Variants in CELF4 observed in about 807,000 individuals in gnomAD.
The protein encoded by CELF4 is CUGBP Elav-like family member 4.
In CELF4, 18 loss-of-function variants were observed where a neutral mutation model predicts 59.9. The observed-to-expected ratio is 0.30, with a 90% confidence interval of 0.21 to 0.45. The LOEUF is 0.45. Ranked by LOEUF, CELF4 falls within the 20% of genes least tolerant of loss-of-function variation. CELF4 has a pLI of 1.00. For synonymous variants in CELF4, 261 were observed against 267.1 expected (o/e 0.98, Z 0.22); for missense variants, 456 against 689.0 (o/e 0.66, Z 3.79).
intron 3 of CELF4, among the ~76,000 whole-genome samples, chr18:37,292,847 C>T (rs2095424879): frequency 6.6e-6 from 1 of 152,140 alleles, no homozygotes; most frequent in Non-Finnish European, 1.5e-5. Flanking sequence ...AATTAATTAA[C>T]AAAATAAAAA....
intron 1 of CELF4, among the ~76,000 whole-genome samples, chr18:37,556,263 T>G (rs549355500): frequency 1.3e-5 from 2 of 152,230 alleles, no homozygotes; most frequent in South Asian, 4.1e-4. Flanking sequence ...AAGACCATGC[T>G]GCAGGCTTGA....
At chr18:37,433,804 C>A (rs150785292) in intron 2 of CELF4, among the ~76,000 whole-genome samples, 5 of 152,290 alleles carry the variant, frequency 3.3e-5, no homozygotes, top group African/African-American at 1.2e-4. Context: ...TGAAAGGAGA[C>A]GCAGGGAGGT....
chr18:37,401,344 C>T (rs1016299966), intron 2 of CELF4, among the ~76,000 whole-genome samples: 2 of 152,214 alleles, frequency 1.3e-5, no homozygotes, highest in Non-Finnish European at 2.9e-5. Flanking sequence ...CAGCAAGCAC[C>T]TACTGTGTGG....
chr18:37,367,387 C>A (rs969271342), intron 2 of CELF4, among the ~76,000 whole-genome samples: 3 of 151,994 alleles, frequency 2.0e-5, no homozygotes, highest in African/African-American at 4.8e-5. Flanking sequence ...GAGCTGTGGG[C>A]TCCTGAGTCT....
At chr18:37,499,744 G>A (rs964602044) in intron 1 of CELF4, among the ~76,000 whole-genome samples, 1 of 152,194 alleles carries the variant, frequency 6.6e-6, no homozygotes, top group Non-Finnish European at 1.5e-5. Context: ...GCTCCAGCAG[G>A]TCAATAGGTC....
At chr18:37,413,687 T>C (rs1185683258) in intron 2 of CELF4, among the ~76,000 whole-genome samples, 1 of 152,230 alleles carries the variant, frequency 6.6e-6, no homozygotes, top group Non-Finnish European at 1.5e-5. Context: ...CTTTCATTTC[T>C]TGGCAGAATC....
intron 2 of CELF4, among the ~76,000 whole-genome samples, chr18:37,389,347 C>T (rs940321035): frequency 1.1e-4 from 17 of 152,196 alleles, no homozygotes; most frequent in South Asian, 1.0e-3. Flanking sequence ...CCAAGCACTG[C>T]AGGCCACCGG....
At chr18:37,318,341 C>T (rs535414275) in intron 3 of CELF4, among the ~76,000 whole-genome samples, 1 of 151,786 alleles carries the variant, frequency 6.6e-6, no homozygotes, top group African/African-American at 2.4e-5. Flanking sequence ...TCCCTTCTCT[C>T]CTCTCCTCCT....
At chr18:37,533,583 A>G (rs2099971182) in intron 1 of CELF4, among the ~76,000 whole-genome samples, 1 of 152,244 alleles carries the variant, frequency 6.6e-6, no homozygotes, top group South Asian at 2.1e-4. Flanking sequence ...GGATTCTTTT[A>G]TTTCTAAAAG....
intron 3 of CELF4, among the ~76,000 whole-genome samples, chr18:37,277,108 T>G (rs2093422485): frequency 6.6e-6 from 1 of 152,196 alleles, no homozygotes; most frequent in South Asian, 2.1e-4. Flanking sequence ...ACAAGCCACC[T>G]GCAGAGTCCT....
At chr18:37,332,205 C>T (rs905255467) in intron 2 of CELF4, among the ~76,000 whole-genome samples, 1 of 152,146 alleles carries the variant, frequency 6.6e-6, no homozygotes, top group African/African-American at 2.4e-5. Context: ...CCCCAGGTTG[C>T]CTTTTATTCT....
chr18:37,275,055 T>A (rs1174126773), intron 4 of CELF4, 60 bp downstream of exon 4: 1 of 1,584,116 alleles, frequency 6.3e-7, no homozygotes, highest in Non-Finnish European at 8.6e-7. Flanking sequence ...AGGAGCCCTC[T>A]GGTCTCCCTC....
chr18:37,306,336 C>G (rs928385774), intron 3 of CELF4: 1 of 152,332 alleles, frequency 6.6e-6, no homozygotes, highest in East Asian at 1.9e-4. Flanking sequence ...CCCCTCCTGG[C>G]GTGTCTAATG....
chr18:37,452,985 GCCTGGCT>G lies in CELF4; in HGVS notation c.369+32533_369+32539del, dbSNP rs1181393937. On this transcript the variant is annotated intron_variant, in intron 2 of 12. Coordinates refer to ENST00000420428, the MANE Select transcript of CELF4 (RefSeq NM_020180.4). ...CTCCTCCAGCCCGCAGAAAAATGTTGCCTGGCTTTGCCAGCCATTCCAGACCCTCCAG... is the reference window on the plus strand; with the variant it reads ...CTCCTCCAGCCCGCAGAAAAATGTTGTTGCCAGCCATTCCAGACCCTCCAG... Among the ~76,000 whole-genome samples, 249 of 152,184 alleles carry G rather than the reference GCCTGGCT, an allele frequency of 1.6e-3. 1 individual carries two copies. Among genetic ancestry groups the G allele is most frequent in the African/African-American group, 4.9e-3 (204 of 41,538 alleles).
rs557694114 is a variant in CELF4, at chr18:37,305,800, G to A, written c.448+16003C>T. 9 of 152,414 alleles carry A rather than the reference G, an allele frequency of 5.9e-5. No homozygotes were observed. In the East Asian group the frequency reaches 1.5e-3, roughly 26 times the overall value. 9.4% of individuals were successfully genotyped at this position (152,414 alleles called of 1,614,324 possible). On this transcript the variant is annotated intron_variant, in intron 3 of 12. Transcript: ENST00000420428. ...GGAAGGCCTTGGCCCACTCCAGGGGGCTACTAAGGTAGGTTGGTGTCTGGT... is the reference window on the plus strand; with the variant it reads ...GGAAGGCCTTGGCCCACTCCAGGGGACTACTAAGGTAGGTTGGTGTCTGGT...
chr18:37,562,634 C>T (rs1437652843), intron 1 of CELF4, among the ~76,000 whole-genome samples: 1 of 152,182 alleles, frequency 6.6e-6, no homozygotes, highest in Non-Finnish European at 1.5e-5. Flanking sequence ...TGCTTTCTGA[C>T]TTAACAGTAA....
At chr18:37,353,234 AT>A (rs200488275) in intron 2 of CELF4, among the ~76,000 whole-genome samples, 1,614 of 19,990 alleles carry the variant, frequency 0.081, 37 homozygotes, top group African/African-American at 0.2. Flanking sequence ...AAAAAAAAAA[AT>A]ATATATATAT....
chr18:37,254,647 C>G lies in CELF4; in HGVS notation c.1334-709G>C, dbSNP rs2068026480. Reference sequence around the variant, plus strand: ...CCTGCGCCGTGGACTAAGCACGCACCAGCTGATATGTCCATAACAAGTCAC... The same window carrying G: ...CCTGCGCCGTGGACTAAGCACGCACGAGCTGATATGTCCATAACAAGTCAC... On this transcript the variant is annotated intron_variant, in intron 11 of 12. Transcript: ENST00000420428. The surrounding 1 kb of genome is among the most constrained non-coding windows in gnomAD (Gnocchi z 5.1). Among the ~76,000 whole-genome samples the G allele has an allele frequency of 6.6e-6, 1 of 152,226 alleles. No homozygotes were observed. The highest frequency in any genetic ancestry group is 2.1e-4 in the South Asian group (1 of 4,834).
At chr18:37,370,632 A>C (rs535713566) in intron 2 of CELF4, among the ~76,000 whole-genome samples, 5 of 152,192 alleles carry the variant, frequency 3.3e-5, no homozygotes, top group Admixed American at 2.0e-4. Context: ...TGTTTGCCTA[A>C]AATCTGACTG....
Sources: gnomAD v4.1 joint callset for allele counts (sites outside exome capture counted in the v4.1 genomes callset) on GRCh38, gnomAD v4.1.1 for gene constraint, Gnocchi (gnomAD v3.1) non-coding constraint, MANE v1.5 for transcripts, NCBI Gene and HGNC (gene_info 2026-07-23, HGNC 2026-07-21) for gene names.